VAT1L: variants seen among roughly 807,000 people sequenced by gnomAD.
VAT1L encodes vesicle amine transport 1 like.
Under a neutral mutation model 44.1 loss-of-function variants are expected in VAT1L, and 34 were observed. That is an observed-to-expected ratio of 0.77 (90% CI 0.59 to 1.03). VAT1L has a LOEUF of 1.03. Among genes scored for constraint, VAT1L ranks in the 50% least tolerant of loss-of-function variants. The pLI, the probability that VAT1L is intolerant of heterozygous loss-of-function variation, is 0.00. For synonymous variants in VAT1L, 253 were observed against 202.2 expected (o/e 1.25, Z -2.13); for missense variants, 615 against 538.8 (o/e 1.14, Z -1.40).
chr16:77,798,201 T>G (rs895354768), intron 1 of VAT1L, among the ~76,000 whole-genome samples: 2 of 152,308 alleles, frequency 1.3e-5, no homozygotes, highest in East Asian at 1.9e-4. Context: ...CAGAGCCTAA[T>G]GCAGGATAAT....
chr16:77,839,535 C>CT (rs2016680204), intron 3 of VAT1L, among the ~76,000 whole-genome samples: 19 of 49,084 alleles, frequency 3.9e-4, no homozygotes, highest in Non-Finnish European at 4.3e-4. Flanking sequence ...TACTCCATAT[C>CT]AAAAAAAAAA....
intron 7 of VAT1L, among the ~76,000 whole-genome samples, chr16:77,947,745 T>C (rs1464159991): frequency 1.3e-5 from 2 of 152,200 alleles, no homozygotes; most frequent in South Asian, 2.1e-4. Context: ...TTTCTCTTCC[T>C]GAAAAATGCC....
intron 7 of VAT1L, among the ~76,000 whole-genome samples, chr16:77,958,654 T>G (rs1276427630): frequency 6.6e-6 from 1 of 152,234 alleles, no homozygotes; most frequent in East Asian, 1.9e-4. Context: ...ATGAGTTCGA[T>G]TTCTGTAGAA....
At chr16:77,853,587 C>A (rs1382643648) in intron 3 of VAT1L, among the ~76,000 whole-genome samples, 1 of 152,096 alleles carries the variant, frequency 6.6e-6, no homozygotes, top group Admixed American at 6.6e-5. Flanking sequence ...CAGTGATTCT[C>A]AGCTTGAGCT....
At chr16:77,923,015 TAA>T (rs1339770136) in intron 7 of VAT1L, among the ~76,000 whole-genome samples, 1 of 152,208 alleles carries the variant, frequency 6.6e-6, no homozygotes, top group African/African-American at 2.4e-5. Context: ...TGCAGCCTGT[TAA>T]AAGTCAGCAG....
chr16:77,850,662 C>G (rs35838085), intron 3 of VAT1L, among the ~76,000 whole-genome samples: 81,301 of 151,516 alleles, frequency 0.54, 22,197 homozygotes, highest in East Asian at 0.76. Flanking sequence ...TTTTTGTTTT[C>G]TTTTGGTTGA....
chr16:77,891,592 C>T (rs1035978109), intron 7 of VAT1L, among the ~76,000 whole-genome samples: 3 of 152,178 alleles, frequency 2.0e-5, no homozygotes, highest in Non-Finnish European at 4.4e-5. Context: ...TCCTCAGTCT[C>T]GCTGAGTCTT....
intron 7 of VAT1L, among the ~76,000 whole-genome samples, chr16:77,929,907 T>C (rs1274392821): frequency 6.6e-6 from 1 of 152,136 alleles, no homozygotes; most frequent in Non-Finnish European, 1.5e-5. Context: ...CAGGATTACT[T>C]GAGTGGAGGA....
At chr16:77,943,519 C>G (rs569058688) in intron 7 of VAT1L, among the ~76,000 whole-genome samples, 1 of 151,532 alleles carries the variant, frequency 6.6e-6, no homozygotes, top group Non-Finnish European at 1.5e-5. Flanking sequence ...CCTGCCTAAG[C>G]CTCCCTAGTA....
At position 77,788,786 on chromosome 16, in the gene VAT1L, G is replaced by A. The variant is rs1597155863; in HGVS notation, c.104G>A (p.Arg35His). The A allele has an allele frequency of 6.4e-7, 1 of 1,565,872 alleles. No homozygotes were observed. Among genetic ancestry groups the A allele is most frequent in the African/African-American group, 1.3e-5 (1 of 74,122 alleles). Reference protein sequence around the residue: ...AEGGGGDGSHRLGDAQEMRAV... With the variant: ...AEGGGGDGSHHLGDAQEMRAV... ...GGCGGCGGCGGCGACGGCTCGCACC[G>A]CCTCGGGGACGCCCAGGAGATGCGC... Residue 35 changes from arginine (R) to histidine (H), a missense_variant, in exon 1 of 9, where the codon CGC (arginine) becomes CAC (histidine). By Grantham distance (29) the Arg-to-His change is conservative. Coordinates refer to ENST00000302536, the MANE Select transcript of VAT1L (RefSeq NM_020927.3).
At chr16:77,888,959 C>T (rs1353560255) in intron 7 of VAT1L, among the ~76,000 whole-genome samples, 2 of 152,212 alleles carry the variant, frequency 1.3e-5, no homozygotes, top group Non-Finnish European at 2.9e-5. Flanking sequence ...CGACTTTCTG[C>T]CGGCTTTCTG....
chr16:77,839,535 C>CAAAAAAAAAAA (rs71137846), intron 3 of VAT1L, among the ~76,000 whole-genome samples: 12 of 49,082 alleles, frequency 2.4e-4, no homozygotes, highest in East Asian at 2.5e-3. Flanking sequence ...TACTCCATAT[C>CAAAAAAAAAAA]AAAAAAAAAA....
chr16:77,859,954 G>C (rs564460631), intron 3 of VAT1L, among the ~76,000 whole-genome samples: 1 of 152,154 alleles, frequency 6.6e-6, no homozygotes, highest in East Asian at 1.9e-4. Flanking sequence ...TCTTTACAAA[G>C]GCAATCGAGT....
chr16:77,970,540 C>G (rs946792801), intron 7 of VAT1L, among the ~76,000 whole-genome samples: 2 of 152,136 alleles, frequency 1.3e-5, no homozygotes, highest in African/African-American at 4.8e-5. Flanking sequence ...ATATCTTTAT[C>G]TTCTTTAACA....
intron 7 of VAT1L, among the ~76,000 whole-genome samples, chr16:77,897,898 G>A (rs1288875511): frequency 1.3e-5 from 2 of 152,162 alleles, no homozygotes; most frequent in African/African-American, 4.8e-5. Context: ...AAACAGTTGT[G>A]TATGAGTTTG....
intron 5 of VAT1L, among the ~76,000 whole-genome samples, chr16:77,878,376 C>A (rs1241478357): frequency 6.6e-6 from 1 of 152,140 alleles, no homozygotes; most frequent in Non-Finnish European, 1.5e-5. Context: ...ACTCCAAAAT[C>A]TTTGAAGACA....
intron 3 of VAT1L, among the ~76,000 whole-genome samples, chr16:77,834,842 C>A (rs1221128701): frequency 1.3e-5 from 2 of 152,172 alleles, no homozygotes; most frequent in East Asian, 3.9e-4. Context: ...ATGTCCAAAG[C>A]TTACCACCGC....
intron 3 of VAT1L, among the ~76,000 whole-genome samples, chr16:77,843,159 C>T (rs772125662): frequency 8.5e-5 from 13 of 152,178 alleles, no homozygotes; most frequent in East Asian, 1.9e-4. Context: ...ACAGCAGGTA[C>T]GGGTCTACCC....
At chr16:77,950,140 G>A (rs2018023867) in intron 7 of VAT1L, among the ~76,000 whole-genome samples, 2 of 152,172 alleles carry the variant, frequency 1.3e-5, no homozygotes, top group Non-Finnish European at 1.5e-5. Context: ...CAGGTGCAGT[G>A]GCTCACGCCT....
Sources: gnomAD v4.1 joint callset for allele counts (sites outside exome capture counted in the v4.1 genomes callset) on GRCh38, gnomAD v4.1.1 for gene constraint, MANE v1.5 for transcripts, NCBI Gene and HGNC (gene_info 2026-07-23, HGNC 2026-07-21) for gene names.